Variants in RAPGEF4 observed in about 807,000 individuals in gnomAD.
The protein encoded by RAPGEF4 is RAP guanine-nucleotide-exchange factor (GEF) 4.
In RAPGEF4, 66 loss-of-function variants were observed where a neutral mutation model predicts 147.9. The ratio of observed to expected loss-of-function variants is 0.45; its 90% CI spans 0.37 to 0.55. RAPGEF4 has a LOEUF of 0.55. Ranked by LOEUF, RAPGEF4 falls within the 20% of genes least tolerant of loss-of-function variation. The pLI, the probability that RAPGEF4 is intolerant of heterozygous loss-of-function variation, is 0.00. For missense variants in RAPGEF4, 1,071 were observed against 1,257.3 expected (o/e 0.85, Z 2.24); for synonymous variants, 419 against 442.7 (o/e 0.95, Z 0.67).
At chr2:173,049,073 TTG>T (rs908693322) in intron 30 of RAPGEF4, among the ~76,000 whole-genome samples, 1 of 152,170 alleles carries the variant, frequency 6.6e-6, no homozygotes, top group African/African-American at 2.4e-5. Flanking sequence ...ATAATATTTA[TTG>T]TCTTTCAGGG....
At chr2:173,015,671 G>T (rs1695448516) in intron 18 of RAPGEF4, among the ~76,000 whole-genome samples, 1 of 152,176 alleles carries the variant, frequency 6.6e-6, no homozygotes, top group Admixed American at 6.5e-5. Flanking sequence ...GGTGTAGCTG[G>T]CACTGCCATG....
chr2:172,915,799 G>C (rs1046068667), intron 4 of RAPGEF4, among the ~76,000 whole-genome samples: 66 of 151,828 alleles, frequency 4.3e-4, no homozygotes, highest in African/African-American at 1.2e-3. Context: ...TTGGTCATGA[G>C]TTAATAATTA....
intron 23 of RAPGEF4, among the ~76,000 whole-genome samples, chr2:173,022,391 A>C (rs940097977): frequency 6.6e-6 from 1 of 152,136 alleles, no homozygotes; most frequent in Non-Finnish European, 1.5e-5. Flanking sequence ...CTGGGCATGA[A>C]CTTCTTCCCT....
intron 4 of RAPGEF4, among the ~76,000 whole-genome samples, chr2:172,838,134 T>C (rs1691166534): frequency 6.6e-6 from 1 of 152,158 alleles, no homozygotes; most frequent in Non-Finnish European, 1.5e-5. Context: ...CTGTTCTCAC[T>C]TTAGTCTCTC....
chr2:172,829,129 G>A (rs1690009429), intron 4 of RAPGEF4, among the ~76,000 whole-genome samples: 1 of 152,212 alleles, frequency 6.6e-6, no homozygotes, highest in Non-Finnish European at 1.5e-5. Flanking sequence ...CCTGGAGCAA[G>A]AGGCCGTATG....
chr2:172,920,675 G>A (rs562675391), intron 5 of RAPGEF4, among the ~76,000 whole-genome samples: 9 of 152,254 alleles, frequency 5.9e-5, no homozygotes, highest in African/African-American at 1.9e-4. Context: ...TTTCTCTACA[G>A]ATACCCTAAT....
intron 4 of RAPGEF4, among the ~76,000 whole-genome samples, chr2:172,905,184 C>T (rs1388033444): frequency 6.6e-6 from 1 of 152,156 alleles, no homozygotes; most frequent in Non-Finnish European, 1.5e-5. Context: ...CTCTCCTCCC[C>T]ACCCGAACAG....
chr2:172,741,802 G>C (rs1694321751), intron 1 of RAPGEF4, among the ~76,000 whole-genome samples: 1 of 152,148 alleles, frequency 6.6e-6, no homozygotes, highest in Non-Finnish European at 1.5e-5. Flanking sequence ...TTCCTGAGTA[G>C]CTGGGACCAC....
chr2:172,843,382 A>G (rs944775257), intron 4 of RAPGEF4, among the ~76,000 whole-genome samples: 1 of 152,214 alleles, frequency 6.6e-6, no homozygotes, highest in Non-Finnish European at 1.5e-5. Flanking sequence ...CAAAGCATGC[A>G]CACTTGGATA....
intron 4 of RAPGEF4, among the ~76,000 whole-genome samples, chr2:172,888,718 T>G (rs1056572572): frequency 6.6e-6 from 1 of 152,232 alleles, no homozygotes; most frequent in East Asian, 1.9e-4. Flanking sequence ...AATATCAGCT[T>G]GGTGACGTGG....
chr2:172,902,361 G>A (rs751928562), intron 4 of RAPGEF4, among the ~76,000 whole-genome samples: 1 of 151,896 alleles, frequency 6.6e-6, no homozygotes, highest in East Asian at 1.9e-4. Context: ...GGAGTGCAAC[G>A]GCATGACCTC....
intron 1 of RAPGEF4, among the ~76,000 whole-genome samples, chr2:172,763,952 T>C (rs1696587415): frequency 6.6e-6 from 1 of 152,162 alleles, no homozygotes; most frequent in East Asian, 1.9e-4. Flanking sequence ...ACTTAACCTA[T>C]AAAAAGTAAT....
chr2:172,948,155 G>A (rs76765915), intron 6 of RAPGEF4, among the ~76,000 whole-genome samples: 2,339 of 152,206 alleles, frequency 0.015, 62 homozygotes, highest in African/African-American at 0.054. Context: ...ATGATGTATT[G>A]TTCATTCTGT....
chr2:172,899,242 C>G (rs187247574), intron 4 of RAPGEF4, among the ~76,000 whole-genome samples: 1 of 152,094 alleles, frequency 6.6e-6, no homozygotes, highest in Admixed American at 6.5e-5. Context: ...TCTTCTAGTA[C>G]TATAGAGATA....
At chr2:172,932,756 GTA>G (rs1249693987) in intron 6 of RAPGEF4, among the ~76,000 whole-genome samples, 7 of 152,082 alleles carry the variant, frequency 4.6e-5, no homozygotes, top group Admixed American at 6.5e-5. Flanking sequence ...ACGTTGTAAC[GTA>G]TGTTTGTGGT....
At position 172,854,471 on chromosome 2, in the gene RAPGEF4, T is replaced by A. The variant is rs148740802; in HGVS notation, c.444+40046T>A. ...TATTTTCTAACTATCTGTTTCTTTG[T>A]ATATAAAAGGTATAAAGAACATATA... On this transcript the variant is annotated intron_variant, in intron 4 of 30. Coordinates refer to ENST00000397081, the MANE Select transcript of RAPGEF4 (RefSeq NM_007023.4). 7.0e-4 allele frequency among the ~76,000 whole-genome samples: 106 copies of A among 152,174 alleles called. 1 individual carries two copies. The highest frequency in any genetic ancestry group is 2.4e-3 in the African/African-American group (99 of 41,574).
chr2:172,985,644 G>T (rs1692173284), intron 12 of RAPGEF4, 151 bp downstream of exon 12: 2 of 1,411,764 alleles, frequency 1.4e-6, no homozygotes, highest in East Asian at 4.9e-5. Flanking sequence ...CGTTTTTCTG[G>T]ACCTGTGATT....
At chr2:172,757,254 G>A (rs1009747494) in intron 1 of RAPGEF4, among the ~76,000 whole-genome samples, 2 of 152,196 alleles carry the variant, frequency 1.3e-5, no homozygotes, top group Admixed American at 1.3e-4. Flanking sequence ...CCATTATTTA[G>A]TAACTCTGGT....
chr2:172,789,314 C>G (rs576878971), intron 1 of RAPGEF4, among the ~76,000 whole-genome samples: 2 of 152,168 alleles, frequency 1.3e-5, no homozygotes, highest in Non-Finnish European at 2.9e-5. Flanking sequence ...TTCACTTTGC[C>G]GTATTCTATT....
Sources: allele counts gnomAD v4.1 joint callset (sites outside exome capture counted in the v4.1 genomes callset), GRCh38; gene constraint gnomAD v4.1.1; transcripts MANE v1.5; gene names NCBI Gene and HGNC (gene_info 2026-07-23, HGNC 2026-07-21).